The following SLC14A2 variants were observed in gnomAD, a reference collection of about 807,000 sequenced individuals.
SLC14A2 encodes solute carrier family 14 member 2, also known as urea transporter 2.
SLC14A2 carries 91 observed loss-of-function variants against 104.6 expected under a neutral mutation model. The ratio of observed to expected loss-of-function variants is 0.87; its 90% CI spans 0.73 to 1.04. The LOEUF is 1.04. Among genes scored for constraint, SLC14A2 ranks in the 50% least tolerant of loss-of-function variants. The pLI, the probability that SLC14A2 is intolerant of heterozygous loss-of-function variation, is 0.00. For missense variants in SLC14A2, 1,189 were observed against 1,156.0 expected, an observed-to-expected ratio of 1.03 and a Z score of -0.41; for synonymous variants, 476 against 466.4, an observed-to-expected ratio of 1.02 and a Z score of -0.27.
intron 2 of SLC14A2, among the ~76,000 whole-genome samples, chr18:45,519,214 C>G (rs1314248330): frequency 6.6e-6 from 1 of 152,140 alleles, no homozygotes; most frequent in African/African-American, 2.4e-5. Flanking sequence ...GGAAGCACTG[C>G]AGAGCGCACT....
the SLC14A2 span, among the ~76,000 whole-genome samples, chr18:45,192,954 C>G: frequency 6.6e-6 from 1 of 151,880 alleles, no homozygotes; most frequent in Non-Finnish European, 1.5e-5. Context: ...CGGGCCTGGC[C>G]AGCAGGTAGT....
intron 1 of SLC14A2, chr18:45,436,699 G>T (rs531838344): frequency 6.6e-6 from 1 of 152,042 alleles, no homozygotes; most frequent in South Asian, 2.1e-4. Flanking sequence ...ATAAATCCAC[G>T]CATTTAAAGC....
intron 2 of SLC14A2, among the ~76,000 whole-genome samples, chr18:45,534,972 A>C (rs769092569): frequency 3.9e-5 from 6 of 152,226 alleles, no homozygotes; most frequent in Non-Finnish European, 8.8e-5. Context: ...TCAGGAAATG[A>C]GGCATTCTGG....
intron 1 of SLC14A2, among the ~76,000 whole-genome samples, chr18:45,307,262 C>T (rs996601249): frequency 6.6e-6 from 1 of 151,604 alleles, no homozygotes; most frequent in African/African-American, 2.4e-5. Flanking sequence ...ACTGAAAATA[C>T]AAAAAATTAG....
chr18:45,448,838 T>G (rs1411097325), intron 1 of SLC14A2, among the ~76,000 whole-genome samples: 1 of 152,228 alleles, frequency 6.6e-6, no homozygotes, highest in Non-Finnish European at 1.5e-5. Context: ...CTTCAAACAT[T>G]TTTACCCTGG....
At chr18:45,592,151 G>A (rs956280031) in intron 2 of SLC14A2, among the ~76,000 whole-genome samples, 35 of 152,160 alleles carry the variant, frequency 2.3e-4, no homozygotes, top group Admixed American at 1.4e-3. Flanking sequence ...TTGGCCCAGC[G>A]ATAGCAGTTT....
At chr18:45,455,205 T>C (rs1007628951) in intron 1 of SLC14A2, among the ~76,000 whole-genome samples, 2 of 152,192 alleles carry the variant, frequency 1.3e-5, no homozygotes, top group African/African-American at 4.8e-5. Context: ...CACATGTTTA[T>C]TGCAGCACTA....
At chr18:45,292,389 G>A (rs2084878793) in intron 1 of SLC14A2, among the ~76,000 whole-genome samples, 1 of 152,234 alleles carries the variant, frequency 6.6e-6, no homozygotes, top group Admixed American at 6.5e-5. Context: ...CATGGAAACT[G>A]CTTGACTCAT....
chr18:45,275,723 G>A (rs1448311476), intron 1 of SLC14A2, among the ~76,000 whole-genome samples: 4 of 152,194 alleles, frequency 2.6e-5, no homozygotes, highest in Admixed American at 1.3e-4. Flanking sequence ...GGTGGAAGTA[G>A]TCTCATTAAA....
intron 2 of SLC14A2, among the ~76,000 whole-genome samples, chr18:45,507,706 G>A (rs761049070): frequency 1.3e-5 from 2 of 152,062 alleles, no homozygotes; most frequent in African/African-American, 4.8e-5. Context: ...TTTGGGGAGC[G>A]GACATCTTCC....
intron 2 of SLC14A2, among the ~76,000 whole-genome samples, chr18:45,511,789 G>C (rs780241383): frequency 6.6e-6 from 1 of 152,080 alleles, no homozygotes; most frequent in Non-Finnish European, 1.5e-5. Context: ...TCCCTGGAAG[G>C]GTCCTTATAA....
intron 10 of SLC14A2, chr18:45,646,072 A>G (rs1221909718): frequency 6.6e-6 from 1 of 152,196 alleles, no homozygotes; most frequent in East Asian, 1.9e-4. Flanking sequence ...GAGAACTAGG[A>G]TACCCAGTGA....
chr18:45,580,736 C>A (rs1028814076), intron 2 of SLC14A2, among the ~76,000 whole-genome samples: 1 of 152,110 alleles, frequency 6.6e-6, no homozygotes, highest in Non-Finnish European at 1.5e-5. Context: ...GTCATATAAC[C>A]TGCTCAAGGT....
chr18:45,465,316 G>T (rs929171202), intron 1 of SLC14A2, among the ~76,000 whole-genome samples: 1 of 152,162 alleles, frequency 6.6e-6, no homozygotes, highest in African/African-American at 2.4e-5. Flanking sequence ...ATAAAAGAAA[G>T]CACCCAAACA....
At chr18:45,271,534 A>G (rs1186381162) in intron 1 of SLC14A2, among the ~76,000 whole-genome samples, 1 of 152,130 alleles carries the variant, frequency 6.6e-6, no homozygotes, top group African/African-American at 2.4e-5. Flanking sequence ...AATCTGAAAC[A>G]CAAATCAAAA....
chr18:45,416,247 T>A (rs992678969), intron 1 of SLC14A2, among the ~76,000 whole-genome samples: 12 of 148,780 alleles, frequency 8.1e-5, no homozygotes, highest in African/African-American at 3.0e-4. Context: ...CCTTTTTTGT[T>A]TCCTTTTTTT....
intron 1 of SLC14A2, among the ~76,000 whole-genome samples, chr18:45,446,752 G>A (rs533696758): frequency 1.3e-5 from 2 of 152,202 alleles, no homozygotes; most frequent in East Asian, 3.9e-4. Context: ...CACACTATAG[G>A]TGACTACTGA....
chr18:45,648,195 CTTTTT>C (rs59843067), intron 10 of SLC14A2, among the ~76,000 whole-genome samples: 1 of 101,244 alleles, frequency 9.9e-6, no homozygotes, highest in African/African-American at 3.9e-5. Flanking sequence ...CTAGTTAATG[CTTTTT>C]TTTTTTTTTT....
At position 45,620,472 on chromosome 18, in the gene SLC14A2, G is replaced by C. The variant is rs549173713; in HGVS notation, c.-34-4159G>C. Among the ~76,000 whole-genome samples, 3 of 152,312 alleles carry C rather than the reference G, an allele frequency of 2.0e-5. No homozygotes were observed. In the East Asian group the frequency reaches 5.8e-4, roughly 29 times the overall value. ...TAAATGGAAATATTGTCTGCATACAGAAGGGACTCAAAGGTGGAGTACCTT... is the reference window on the plus strand; with the variant it reads ...TAAATGGAAATATTGTCTGCATACACAAGGGACTCAAAGGTGGAGTACCTT... On this transcript the variant is annotated intron_variant, in intron 1 of 19. Transcript: ENST00000255226.
Sources: gnomAD v4.1 joint callset for allele counts (sites outside exome capture counted in the v4.1 genomes callset) on GRCh38, gnomAD v4.1.1 for gene constraint, MANE v1.5 for transcripts, NCBI Gene and HGNC (gene_info 2026-07-23, HGNC 2026-07-21) for gene names.